AATK: variants seen among roughly 807,000 people sequenced by gnomAD.
The protein encoded by AATK is lemur tail kinase 1.
AATK carries 91 observed loss-of-function variants against 114.3 expected under a neutral mutation model. The observed-to-expected ratio is 0.80, with a 90% CI of 0.67 to 0.95. The LOEUF is 0.95. AATK is among the 40% of genes least tolerant of loss of function. AATK has a pLI of 0.00. For missense variants in AATK, 2,176 were observed against 1,965.2 expected (o/e 1.11, Z -2.03); for synonymous variants, 1,075 against 916.5 (o/e 1.17, Z -3.12).
intron 1 of AATK, among the ~76,000 whole-genome samples, chr17:81,158,501 C>T (rs1053401907): frequency 6.6e-6 from 1 of 152,244 alleles, no homozygotes; most frequent in Non-Finnish European, 1.5e-5. Flanking sequence ...TGCTGGTGCT[C>T]AGCCCTGCAC....
chr17:81,120,961 T>C lies in AATK; in HGVS notation c.2975A>G (p.Tyr992Cys), dbSNP rs1179541926. 2.5e-6 allele frequency: 4 copies of C among 1,609,046 alleles called. No homozygotes were observed. Among genetic ancestry groups the C allele is most frequent in the South Asian group, 1.1e-5 (1 of 90,240 alleles). Reference sequence around the variant, plus strand: ...GTCTGAGAAGTAGGCAGAGTCTCGGTAGGGATTCTTCTCGTTGAGGCCACT... The same window carrying C: ...GTCTGAGAAGTAGGCAGAGTCTCGGCAGGGATTCTTCTCGTTGAGGCCACT... ...SLSGLNEKNP[Y>C]RDSAYFSDLE... The change falls in exon 11 of 14, where the codon TAC becomes TGC. Residue 992 changes from tyrosine (Y) to cysteine (C), a missense_variant. Coordinates refer to ENST00000326724, the MANE Select transcript of AATK (RefSeq NM_001080395.3).
intron 12 of AATK, 86 bp from the exon 13 acceptor site, chr17:81,119,666 GC>G: frequency 1.6e-6 from 1 of 610,392 alleles, no homozygotes; most frequent in Non-Finnish European, 2.2e-6. Context: ...CCCAGGCCCC[GC>G]CTCCCATCAT....
intron 1 of AATK, among the ~76,000 whole-genome samples, chr17:81,155,744 G>A (rs112676304): frequency 0.16 from 24,391 of 151,526 alleles, 2,885 homozygotes; most frequent in African/African-American, 0.33. Context: ...GGAGTGCAGC[G>A]GTGCCATCAC....
Position 81,121,130 on chromosome 17 carries a change from C to A in AATK, c.2806G>T (p.Asp936Tyr). ...GPSGGQPRALDSGYDTENYES... is the reference protein window; with the variant it reads ...GPSGGQPRALYSGYDTENYES... The stretch of plus-strand genomic sequence containing the variant: ...TAGTTCTCGGTGTCATAGCCACTGT[C>A]CAGCGCTCGCGGCTGCCCTCCAGAG... Residue 936 changes from aspartate (D) to tyrosine (Y), a missense_variant, in exon 11 of 14, where the codon GAC (aspartate) becomes TAC (tyrosine). Transcript: ENST00000326724. 1 of 1,605,574 alleles carries A rather than the reference C, an allele frequency of 6.2e-7. No homozygotes were observed. Among genetic ancestry groups the A allele is most frequent in the Non-Finnish European group, 8.5e-7 (1 of 1,176,996 alleles).
At chr17:81,165,354 A>G (rs1302702854) in intron 1 of AATK, among the ~76,000 whole-genome samples, 1 of 152,138 alleles carries the variant, frequency 6.6e-6, no homozygotes, top group Non-Finnish European at 1.5e-5. Flanking sequence ...AGCCAGCTTG[A>G]CAGCGTCACC....
At position 81,120,437 on chromosome 17, in the gene AATK, C is replaced by G; in HGVS notation, c.3499G>C (p.Asp1167His). The G allele has an allele frequency of 6.4e-7, 1 of 1,572,102 alleles. No individual in the cohort carries two copies. The highest frequency in any genetic ancestry group is 8.7e-7 in the Non-Finnish European group (1 of 1,155,406). The change falls in exon 11 of 14, where the codon GAC becomes CAC. Residue 1167 changes from aspartate (D) to histidine (H), a missense_variant. Transcript: ENST00000326724. ...AGCTCCTCGTCAGACTCGTCGCTGT[C>G]CTCACTGTCCTCCTCCTCCTCCTCC... ...RPEEEEEDSE[D>H]SDESDEELRC...
intron 12 of AATK, 88 bp downstream of exon 12, chr17:81,119,848 A>T: frequency 2.2e-6 from 3 of 1,365,140 alleles, no homozygotes; most frequent in Admixed American, 3.6e-5. Context: ...TCCTCCCATG[A>T]TGTCACACAT....
intron 10 of AATK, 109 bp from the exon 11 acceptor site, chr17:81,122,932 G>GT: frequency 9.2e-7 from 1 of 1,090,678 alleles, no homozygotes; most frequent in Non-Finnish European, 1.2e-6. Context: ...GGGGCATTAA[G>GT]GGTATCTCCC....
Position 81,128,567 on chromosome 17 carries a change from G to T in AATK, c.335-18C>A, listed in dbSNP as rs758152244. On this transcript the variant is annotated intron_variant, in intron 3 of 13. Transcript: ENST00000326724. ...GAGCTGCACTGTAACCAAGCAGGGG[G>T]TTCAGGGACCCAGTGTGGCCTCCGC... The T allele has an allele frequency of 1.3e-6, 2 of 1,548,612 alleles. No individual in the cohort carries two copies. The highest frequency in any genetic ancestry group is 2.4e-5 in the South Asian group (2 of 83,962).
chr17:81,124,000 C>A (rs561453058), intron 9 of AATK, among the ~76,000 whole-genome samples: 16 of 152,268 alleles, frequency 1.1e-4, no homozygotes, highest in Admixed American at 9.8e-4. Context: ...AGTGGGTGGG[C>A]AGGCCAGGAA....
At chr17:81,138,389 GCACA>G (rs1218977276) in intron 1 of AATK, among the ~76,000 whole-genome samples, 15 of 135,484 alleles carry the variant, frequency 1.1e-4, no homozygotes, top group African/African-American at 3.7e-4. Flanking sequence ...GGGCACACGT[GCACA>G]CACACCCCCA....
intron 2 of AATK, among the ~76,000 whole-genome samples, chr17:81,133,523 C>T (rs1394307630): frequency 6.6e-6 from 1 of 152,210 alleles, no homozygotes; most frequent in South Asian, 2.1e-4. Flanking sequence ...AGGAATCTGA[C>T]CTCTGGCCCA....
In AATK at chr17:81,121,260, A is replaced by C. The variant is rs1169413474; in HGVS notation, c.2676T>G (p.Ser892=). ...RRPDVVPAFR[S]LQKQVGTPDS... is the part of the protein sequence containing the mutation. ...CGGGGGTCCCCACCTGCTTCTGCAG[A>C]GAGCGGAAGGCTGGCACCACATCCG... The change falls in exon 11 of 14, where the codon TCT becomes TCG. Residue 892 remains serine (S), a synonymous_variant. Coordinates refer to ENST00000326724, the MANE Select transcript of AATK (RefSeq NM_001080395.3). 6.2e-7 allele frequency: 1 copy of C among 1,610,222 alleles called. No homozygotes were observed. The highest frequency in any genetic ancestry group is 1.7e-5 in the Admixed American group (1 of 59,758).
chr17:81,134,521 T>C lies in AATK; in HGVS notation c.56-20A>G. ...CGCCGTCTGCGGGAGAGCAGTGTGG[T>C]GAGAGTGGCCATGGCTGAGGGCCGG... On this transcript the variant is annotated intron_variant, in intron 1 of 13. Transcript: ENST00000326724. The C allele has an allele frequency of 6.2e-7, 1 of 1,606,120 alleles. No individual in the cohort carries two copies. The highest frequency in any genetic ancestry group is 8.5e-7 in the Non-Finnish European group (1 of 1,177,006).
At chr17:81,119,624 C>T in intron 12 of AATK, 44 bp from the exon 13 acceptor site, 2 of 1,519,788 alleles carry the variant, frequency 1.3e-6, no homozygotes, top group Non-Finnish European at 1.8e-6. Context: ...CAGCCTGGGA[C>T]CCCGGCCCGG....
At chr17:81,144,880 G>A (rs1374259152) in intron 1 of AATK, among the ~76,000 whole-genome samples, 1 of 152,206 alleles carries the variant, frequency 6.6e-6, no homozygotes, top group African/African-American at 2.4e-5. Context: ...CACAGTGCTG[G>A]GGCACAAACC....
At chr17:81,123,420 G>T in intron 9 of AATK, 77 bp from the exon 10 acceptor site, 1 of 1,258,592 alleles carries the variant, frequency 7.9e-7, no homozygotes, top group Middle Eastern at 3.0e-4. Context: ...CCGGGGCGCC[G>T]AATGGGGCAG....
At chr17:81,133,946 C>G (rs1026754577) in intron 2 of AATK, among the ~76,000 whole-genome samples, 6 of 152,176 alleles carry the variant, frequency 3.9e-5, no homozygotes, top group African/African-American at 1.2e-4. Context: ...CCCGGACTCC[C>G]CTTTGCAGAT....
At chr17:81,123,599 T>C (rs2060732710) in intron 9 of AATK, among the ~76,000 whole-genome samples, 3 of 152,158 alleles carry the variant, frequency 2.0e-5, no homozygotes, top group Admixed American at 2.0e-4. Flanking sequence ...CATCTGCTTG[T>C]CCACTCATTC....
Sources: gnomAD v4.1 joint callset for allele counts (sites outside exome capture counted in the v4.1 genomes callset) on GRCh38, gnomAD v4.1.1 for gene constraint, MANE v1.5 for transcripts, NCBI Gene and HGNC (gene_info 2026-07-23, HGNC 2026-07-21) for gene names.